Variants in XXYLT1 observed in about 807,000 individuals in gnomAD.
The protein encoded by XXYLT1 is xyloside xylosyltransferase 1.
A neutral mutation model predicts 28.9 loss-of-function variants in XXYLT1; 20 were observed. The observed-to-expected ratio is 0.69, with a 90% CI of 0.49 to 1.00. The LOEUF (loss-of-function observed/expected upper bound fraction) is 1.00. XXYLT1 is among the 50% of genes least tolerant of loss of function. The pLI is 0.00. For missense variants in XXYLT1, 542 were observed against 560.1 expected, an observed-to-expected ratio of 0.97 and a Z score of 0.33; for synonymous variants, 257 against 253.8, an observed-to-expected ratio of 1.01 and a Z score of -0.12.
rs1266000138 is a variant in XXYLT1, at chr3:195,270,919, G to A, written c.140C>T (p.Thr47Ile). The A allele has an allele frequency of 4.0e-6, 6 of 1,483,632 alleles. No individual in the cohort carries two copies. In the South Asian group the frequency reaches 5.1e-5, roughly 13 times the overall value. The allele number at this position is 1,483,632 out of a possible 1,614,324, so 91.9% of individuals were successfully genotyped here. A position where few individuals can be genotyped will look rare whatever the true frequency, so the allele number is the denominator to read the frequency against. The part of the protein sequence containing the change: ...AFYYLGSGRE[T>I]FSSATKRLKE... Reference sequence around the variant, plus strand: ...CAGCCTCTTGGTGGCGCTGGAGAAGGTCTCCCGGCCTGAGCCGAGGTAGTA... The same window carrying A: ...CAGCCTCTTGGTGGCGCTGGAGAAGATCTCCCGGCCTGAGCCGAGGTAGTA... The change falls in exon 1 of 4, where the codon ACC (threonine) becomes ATC (isoleucine). Residue 47 changes from threonine (T) to isoleucine (I), a missense_variant. By Grantham distance (89) the Thr-to-Ile change is moderately conservative. Coordinates refer to ENST00000310380, the MANE Select transcript of XXYLT1 (RefSeq NM_152531.5).
At chr3:195,083,970 G>A (rs570189980) in intron 3 of XXYLT1, among the ~76,000 whole-genome samples, 11 of 152,172 alleles carry the variant, frequency 7.2e-5, no homozygotes, top group Middle Eastern at 3.4e-3. Flanking sequence ...AGGTTGCAGC[G>A]AGCCGAGATT....
In XXYLT1 at chr3:195,150,469, G is replaced by C. The variant is rs1237153127; in HGVS notation, c.785+5980C>G. ...CTTCCGAGCGTCTGGAAGAACCCGA[G>C]GCTGGCACAGCACCATCAGCAAATA... On this transcript the variant is annotated intron_variant, in intron 3 of 3. Coordinates refer to ENST00000310380, the MANE Select transcript of XXYLT1 (RefSeq NM_152531.5). The surrounding 1 kb of genome is among the most constrained non-coding windows in gnomAD (Gnocchi z 4.7). Among the ~76,000 whole-genome samples the C allele has an allele frequency of 6.6e-6, 1 of 152,198 alleles. No individual in the cohort carries two copies. The highest frequency in any genetic ancestry group is 1.5e-5 in the Non-Finnish European group (1 of 68,040).
chr3:195,140,884 C>A (rs1719453607), intron 3 of XXYLT1, among the ~76,000 whole-genome samples: 1 of 152,162 alleles, frequency 6.6e-6, no homozygotes, highest in Non-Finnish European at 1.5e-5. Context: ...AACGTCCTAA[C>A]CTCCAGTGGG....
chr3:195,178,433 T>A (rs1721781525), intron 2 of XXYLT1, among the ~76,000 whole-genome samples: 1 of 152,184 alleles, frequency 6.6e-6, no homozygotes, highest in Non-Finnish European at 1.5e-5. Flanking sequence ...AACGTTCAAA[T>A]CAAATTCTGG....
chr3:195,163,061 C>A (rs1177469574), intron 2 of XXYLT1, among the ~76,000 whole-genome samples: 1 of 152,080 alleles, frequency 6.6e-6, no homozygotes, highest in Non-Finnish European at 1.5e-5. Flanking sequence ...GGACTCTGTT[C>A]ACAACAGTTA....
chr3:195,260,587 G>C (rs888939728), intron 1 of XXYLT1, among the ~76,000 whole-genome samples: 5 of 152,198 alleles, frequency 3.3e-5, no homozygotes, highest in African/African-American at 2.4e-5. Context: ...AGCCCCCTAG[G>C]ATAGGTGAAG....
intron 3 of XXYLT1, among the ~76,000 whole-genome samples, chr3:195,079,960 T>C (rs1715337406): frequency 6.6e-6 from 1 of 152,012 alleles, no homozygotes; most frequent in South Asian, 2.1e-4. Context: ...GGCGTGGGCA[T>C]CTGATTCACA....
At chr3:195,248,534 A>G (rs1272543083) in intron 1 of XXYLT1, among the ~76,000 whole-genome samples, 1 of 152,166 alleles carries the variant, frequency 6.6e-6, no homozygotes, top group African/African-American at 2.4e-5. Flanking sequence ...GCCTGCTGCC[A>G]TCCATGTAAG....
intron 3 of XXYLT1, among the ~76,000 whole-genome samples, chr3:195,144,902 G>A (rs949372460): frequency 1.3e-5 from 2 of 152,124 alleles, no homozygotes; most frequent in African/African-American, 2.4e-5. Flanking sequence ...GGAAGGTACC[G>A]GCAGAAGAAA....
chr3:195,252,735 G>C (rs939611989), intron 1 of XXYLT1, among the ~76,000 whole-genome samples: 198 of 143,032 alleles, frequency 1.4e-3, no homozygotes, highest in Middle Eastern at 3.5e-3. Flanking sequence ...CACAGAGAGA[G>C]AGAGAGAGAG....
At chr3:195,102,097 AG>A (rs112355752) in intron 3 of XXYLT1, among the ~76,000 whole-genome samples, 14,217 of 138,252 alleles carry the variant, frequency 0.1, 1,257 homozygotes, top group African/African-American at 0.24. Context: ...AGGGGAGGGG[AG>A]GGGGAAAAAG....
At chr3:195,235,567 A>G (rs1485025316) in intron 1 of XXYLT1, among the ~76,000 whole-genome samples, 5 of 152,068 alleles carry the variant, frequency 3.3e-5, no homozygotes, top group African/African-American at 7.3e-5. Context: ...GATGGTCTTG[A>G]TGCTAGTGGA....
rs1719642895 is a variant in XXYLT1, at chr3:195,143,822, A to C, written c.785+12627T>G. On this transcript the variant is annotated intron_variant, in intron 3 of 3. Coordinates refer to ENST00000310380, the MANE Select transcript of XXYLT1 (RefSeq NM_152531.5). ...TATAGATAGATATATATAGATATAG[A>C]TATATATAGATATAGATATAGATAT... 2.2e-5 allele frequency among the ~76,000 whole-genome samples: 2 copies of C among 91,132 alleles called. 1 individual carries two copies. The highest frequency in any genetic ancestry group is 4.4e-5 in the Non-Finnish European group (2 of 44,992). The allele number at this position is 91,132 out of a possible 152,430, so 59.8% of individuals were successfully genotyped here.
chr3:195,226,764 G>T lies in XXYLT1; in HGVS notation c.597C>A (p.Tyr199Ter). ...QKHFSAGLGT[Y>*]YSDSIFFLSV... is the part of the protein sequence containing the mutation. ...AGAGGAAGAAGATGGAGTCACTGTA[G>T]TAGGTTCCCAAGCCAGCACTGAAGT... Residue 199 changes from tyrosine to a stop codon, truncating the protein, a stop_gained, in exon 2 of 4, where the codon TAC (tyrosine) becomes TAA (stop). Coordinates refer to ENST00000310380, the MANE Select transcript of XXYLT1 (RefSeq NM_152531.5). LOFTEE classifies it high-confidence loss of function. The T allele has an allele frequency of 6.2e-7, 1 of 1,613,932 alleles. No individual in the cohort carries two copies. Among genetic ancestry groups the T allele is most frequent in the Non-Finnish European group, 8.5e-7 (1 of 1,179,994 alleles).
intron 3 of XXYLT1, among the ~76,000 whole-genome samples, chr3:195,112,423 C>T (rs1717775040): frequency 8.7e-6 from 1 of 114,434 alleles, no homozygotes; most frequent in Non-Finnish European, 2.1e-5. Context: ...CGCACACACA[C>T]ACATGCACAC....
rs371006409 is a variant in XXYLT1 at position 195,069,940 on chromosome 3, G to A, written c.957C>T (p.Ala319=). 3.4e-5 allele frequency: 55 copies of A among 1,612,882 alleles called. No individual in the cohort carries two copies. The Admixed American group carries it at 4.0e-4, about 12-fold the overall frequency. ...GGTGGCCGCGGAAGTGGTACTTGTC[G>A]GCCAGCTGCTGCACCTGCGCCGGCT... is the stretch of plus-strand genomic sequence containing the variant. ...LLEPAQVQQL[A]DKYHFRGHLG... is the part of the protein sequence containing the mutation. Residue 319 remains alanine (A), a synonymous_variant, in exon 4 of 4, where the codon GCC becomes GCT. Coordinates refer to ENST00000310380, the MANE Select transcript of XXYLT1 (RefSeq NM_152531.5).
At position 195,257,014 on chromosome 3, in the gene XXYLT1, C is replaced by T. The variant is rs528494211; in HGVS notation, c.504+13541G>A. Among the ~76,000 whole-genome samples the T allele has an allele frequency of 2.6e-5, 4 of 152,324 alleles. No individual in the cohort carries two copies. Among genetic ancestry groups the T allele is most frequent in the South Asian group, 2.1e-4 (1 of 4,828 alleles). ...GGGACAGTTCCAAAACCCAAAACAC[C>T]GCTGACACTTCATGGCTAGTGTCAG... On this transcript the variant is annotated intron_variant, in intron 1 of 3. Transcript: ENST00000310380. The surrounding 1 kb of genome is among the most constrained non-coding windows in gnomAD (Gnocchi z 4.3).
chr3:195,244,132 G>A (rs961947660), intron 1 of XXYLT1, among the ~76,000 whole-genome samples: 3 of 152,184 alleles, frequency 2.0e-5, no homozygotes, highest in Non-Finnish European at 4.4e-5. Context: ...TAGGACTCCT[G>A]CAAGATTGCC....
At chr3:195,146,437 G>A (rs1719853213) in intron 3 of XXYLT1, among the ~76,000 whole-genome samples, 1 of 152,262 alleles carries the variant, frequency 6.6e-6, no homozygotes, top group Admixed American at 6.5e-5. Flanking sequence ...ATCCGCCGCT[G>A]TGCCTCCACT....
Sources: gnomAD v4.1 joint callset for allele counts (sites outside exome capture counted in the v4.1 genomes callset) on GRCh38, gnomAD v4.1.1 for gene constraint, Gnocchi (gnomAD v3.1) non-coding constraint, MANE v1.5 for transcripts, NCBI Gene and HGNC (gene_info 2026-07-23, HGNC 2026-07-21) for gene names.